PBRM1: variants seen among roughly 807,000 people sequenced by gnomAD.
PBRM1 encodes the protein protein polybromo-1.
PBRM1 carries 27 observed loss-of-function variants against 194.5 expected under a neutral mutation model. The observed-to-expected ratio is 0.14, with a 90% CI of 0.10 to 0.19. The LOEUF (loss-of-function observed/expected upper bound fraction) is 0.19, where lower values mean the gene tolerates loss of function less well. PBRM1 is among the 10% of genes least tolerant of loss of function. The pLI is 1.00. For synonymous variants in PBRM1, 655 were observed against 693.2 expected (o/e 0.94, Z 0.87); for missense variants, 1,466 against 2,077.2 (o/e 0.71, Z 5.72).
chr3:52,553,905 G>A (rs2081626864), intron 27 of PBRM1, among the ~76,000 whole-genome samples: 1 of 151,660 alleles, frequency 6.6e-6, no homozygotes. Flanking sequence ...CAAGTGATCC[G>A]CCCACCTCGG....
At chr3:52,627,548 G>C (rs2095484671) in intron 12 of PBRM1, among the ~76,000 whole-genome samples, 178 bp from the exon 14 acceptor site, 3 of 152,178 alleles carry the variant, frequency 2.0e-5, no homozygotes. Context: ...AAGCCTGCAT[G>C]ACAAAAAGAG....
At chr3:52,603,003 G>A (rs2094112290) in intron 17 of PBRM1, among the ~76,000 whole-genome samples, 1 of 152,168 alleles carries the variant, frequency 6.6e-6, no homozygotes, top group Non-Finnish European at 1.5e-5. Flanking sequence ...ATAAGGTCCT[G>A]TTATCAAAAT....
Position 52,637,408 on chromosome 3 carries a change from G to A in PBRM1, c.1088-2593C>T, listed in dbSNP as rs569912533. 6.2e-4 allele frequency among the ~76,000 whole-genome samples: 95 copies of A among 152,182 alleles called. 1 individual carries two copies. Among genetic ancestry groups the A allele is most frequent in the South Asian group, 2.3e-3 (11 of 4,826 alleles). On this transcript the variant is annotated intron_variant, in intron 10 of 29. Coordinates refer to ENST00000296302, the Ensembl canonical transcript of PBRM1. ...ACAATTCGAGAGGCAGAGGTGGGTA[G>A]CCTGCCTGAGCTCAGGCGTTTGAGA...
intron 25 of PBRM1, among the ~76,000 whole-genome samples, chr3:52,559,846 TAAA>T (rs34203062): frequency 2.4e-5 from 3 of 125,126 alleles, no homozygotes; most frequent in African/African-American, 3.2e-5. Flanking sequence ...GAGCTAGCAG[TAAA>T]AAAAAAAAAA....
At chr3:52,635,913 G>T (rs1358859511) in intron 10 of PBRM1, among the ~76,000 whole-genome samples, 2 of 152,040 alleles carry the variant, frequency 1.3e-5, no homozygotes, top group Non-Finnish European at 2.9e-5. Context: ...CGCCAGGCTG[G>T]AGTGCAGTGG....
intron 4 of PBRM1, among the ~76,000 whole-genome samples, chr3:52,660,961 T>C (rs1175116336): frequency 3.3e-5 from 5 of 152,352 alleles, no homozygotes; most frequent in South Asian, 2.1e-4. Flanking sequence ...AATTTAGCTG[T>C]AGAAAAGAGT....
At chr3:52,605,274 C>T (rs1186940039) in intron 16 of PBRM1, among the ~76,000 whole-genome samples, 1 of 152,034 alleles carries the variant, frequency 6.6e-6, no homozygotes. Flanking sequence ...TCTCGAACTC[C>T]TGGCCTCGAG....
chr3:52,650,385 T>TAAAA (rs35462727), intron 6 of PBRM1, among the ~76,000 whole-genome samples: 1 of 119,344 alleles, frequency 8.4e-6, no homozygotes, highest in Non-Finnish European at 1.7e-5. Context: ...AAAAAAACCC[T>TAAAA]AAAAAAAAAA....
At chr3:52,636,869 A>AC (rs1166382220) in intron 10 of PBRM1, among the ~76,000 whole-genome samples, 5 of 151,486 alleles carry the variant, frequency 3.3e-5, no homozygotes, top group Admixed American at 2.0e-4. Context: ...AAAAAAAAAA[A>AC]AAAGAATTTA....
intron 5 of PBRM1, among the ~76,000 whole-genome samples, chr3:52,656,175 C>T (rs1385376631): frequency 6.6e-6 from 1 of 152,086 alleles, no homozygotes; most frequent in Non-Finnish European, 1.5e-5. Flanking sequence ...GGTGTAAAGG[C>T]ATAAAGAATT....
intron 18 of PBRM1, among the ~76,000 whole-genome samples, 160 bp from the exon 21 acceptor site, chr3:52,587,670 G>A (rs1427462550): frequency 6.7e-6 from 1 of 150,128 alleles, no homozygotes; most frequent in Non-Finnish European, 1.5e-5. Context: ...TCAGCCTCCT[G>A]AGTAGCTGGG....
chr3:52,545,587 T>C (rs2079592567), downstream of PBRM1: 1 of 233,018 alleles, frequency 4.3e-6, no homozygotes, highest in African/African-American at 2.2e-5. Flanking sequence ...TCTCAATTCT[T>C]CCTCATAGGA....
chr3:52,615,716 A>G (rs1458658389), intron 14 of PBRM1, among the ~76,000 whole-genome samples: 1 of 152,184 alleles, frequency 6.6e-6, no homozygotes, highest in East Asian at 1.9e-4. Flanking sequence ...TAGTAGAATC[A>G]CTGCAGGTTT....
At chr3:52,587,542 G>C (rs745502153) in intron 18 of PBRM1, 32 bp from the exon 21 acceptor site, 8 of 1,310,490 alleles carry the variant, frequency 6.1e-6, no homozygotes, top group Non-Finnish European at 8.5e-6. Context: ...AAGGGGAAGA[G>C]AAAGAGAATC....
upstream of PBRM1, chr3:52,679,827 T>C (rs1369961928): frequency 4.9e-6 from 4 of 815,638 alleles, no homozygotes; most frequent in Middle Eastern, 3.9e-4. Context: ...CTTAGGAGGA[T>C]ATTTTAACGT....
At chr3:52,658,927 C>T (rs1294087571) in intron 4 of PBRM1, among the ~76,000 whole-genome samples, 3 of 152,166 alleles carry the variant, frequency 2.0e-5, no homozygotes, top group Non-Finnish European at 4.4e-5. Flanking sequence ...AAATGAGCAA[C>T]TGAGCAGGAG....
intron 2 of PBRM1, among the ~76,000 whole-genome samples, chr3:52,674,836 T>C (rs929756988): frequency 6.6e-6 from 1 of 151,308 alleles, no homozygotes; most frequent in African/African-American, 2.4e-5. Context: ...CACACGTATA[T>C]ATAACATATA....
At chr3:52,561,669 G>A (rs1274647701) in intron 25 of PBRM1, 98 bp downstream of exon 27, 6 of 1,032,464 alleles carry the variant, frequency 5.8e-6, no homozygotes, top group Non-Finnish European at 9.1e-6. Context: ...AAAAGTTCAT[G>A]TGCAAGTGGT....
chr3:52,546,675 G>A, downstream of PBRM1: 1 of 232,600 alleles, frequency 4.3e-6, no homozygotes, highest in Non-Finnish European at 8.5e-6. Flanking sequence ...CTATAAAGCA[G>A]GTTTCAAAAA....
Sources: allele counts gnomAD v4.1 joint callset (sites outside exome capture counted in the v4.1 genomes callset), GRCh38; gene constraint gnomAD v4.1.1; transcripts MANE v1.5; gene names NCBI Gene and HGNC (gene_info 2026-07-23, HGNC 2026-07-21).